Variants in ARL15 observed in about 807,000 individuals in gnomAD.
ARL15 encodes ARF like GTPase 15, also known as ADP-ribosylation factor-like protein 15.
In ARL15, 19 loss-of-function variants were observed where a neutral mutation model predicts 25.2. The ratio of observed to expected loss-of-function variants is 0.75; its 90% CI spans 0.53 to 1.10. The LOEUF (loss-of-function observed/expected upper bound fraction) is 1.10. Among genes scored for constraint, ARL15 ranks in the 50% least tolerant of loss-of-function variants. The probability of loss-of-function intolerance (pLI) is 0.00; values close to 1 mark genes in which losing one functional copy is unlikely to be tolerated. For synonymous variants in ARL15, 94 were observed against 86.8 expected, an observed-to-expected ratio of 1.08 and a Z score of -0.46; for missense variants, 220 against 246.0, an observed-to-expected ratio of 0.89 and a Z score of 0.71.
chr5:54,007,738 C>T (rs1580164959), intron 4 of ARL15, among the ~76,000 whole-genome samples: 1 of 152,174 alleles, frequency 6.6e-6, no homozygotes, highest in Non-Finnish European at 1.5e-5. Context: ...CTGATCATTG[C>T]TGCCTCTTTC....
At chr5:54,171,496 T>A (rs1446066469) in intron 2 of ARL15, among the ~76,000 whole-genome samples, 1 of 152,208 alleles carries the variant, frequency 6.6e-6, no homozygotes, top group Non-Finnish European at 1.5e-5. Context: ...GAATCCATTT[T>A]GTCATATATC....
chr5:54,140,283 G>C (rs1183588951), intron 3 of ARL15, among the ~76,000 whole-genome samples: 1 of 150,704 alleles, frequency 6.6e-6, no homozygotes, highest in Admixed American at 6.6e-5. Flanking sequence ...AAGGCAGCAT[G>C]TGCTCTGTCC....
At chr5:54,227,503 G>A (rs756378511) in intron 1 of ARL15, among the ~76,000 whole-genome samples, 13 of 152,148 alleles carry the variant, frequency 8.5e-5, no homozygotes, top group South Asian at 2.1e-4. Flanking sequence ...TTGCTCAAAC[G>A]CTGAGTCTGG....
At chr5:53,899,347 CAA>C (rs59145507) in intron 4 of ARL15, among the ~76,000 whole-genome samples, 18 of 89,364 alleles carry the variant, frequency 2.0e-4, no homozygotes, top group East Asian at 1.4e-3. Flanking sequence ...GACTCTATCC[CAA>C]AAAAAAAAAA....
At chr5:53,915,554 A>G (rs2111994865) in intron 4 of ARL15, among the ~76,000 whole-genome samples, 1 of 152,326 alleles carries the variant, frequency 6.6e-6, no homozygotes, top group African/African-American at 2.4e-5. Flanking sequence ...CTAGCATTGA[A>G]CAGTTTGGAC....
At chr5:53,893,512 G>T (rs1051382623) in intron 4 of ARL15, among the ~76,000 whole-genome samples, 4 of 152,164 alleles carry the variant, frequency 2.6e-5, no homozygotes, top group African/African-American at 9.7e-5. Context: ...GGAGGCTGAG[G>T]CAGGAGAATG....
At chr5:54,006,347 A>G (rs1366779097) in intron 4 of ARL15, among the ~76,000 whole-genome samples, 1 of 152,226 alleles carries the variant, frequency 6.6e-6, no homozygotes, top group Non-Finnish European at 1.5e-5. Context: ...TTTGACCATA[A>G]GTAACTGTAA....
At chr5:54,294,554 T>C (rs1487751326) in intron 1 of ARL15, among the ~76,000 whole-genome samples, 2 of 152,218 alleles carry the variant, frequency 1.3e-5, no homozygotes, top group African/African-American at 4.8e-5. Flanking sequence ...AAAACTAACC[T>C]GAAATCCAGC....
chr5:53,935,238 T>G (rs1213151629), intron 4 of ARL15, among the ~76,000 whole-genome samples: 1 of 152,224 alleles, frequency 6.6e-6, no homozygotes, highest in East Asian at 1.9e-4. Flanking sequence ...CACTTTTTCT[T>G]GGATTACTTT....
intron 3 of ARL15, among the ~76,000 whole-genome samples, chr5:54,129,615 T>C (rs1185530422): frequency 1.3e-5 from 2 of 152,214 alleles, no homozygotes; most frequent in Non-Finnish European, 2.9e-5. Context: ...ACTTTCCCAA[T>C]AGTACTGTAG....
At chr5:54,105,166 A>G (rs1317240336) in intron 4 of ARL15, among the ~76,000 whole-genome samples, 2 of 152,044 alleles carry the variant, frequency 1.3e-5, no homozygotes, top group East Asian at 3.9e-4. Flanking sequence ...CAAATGTTTT[A>G]TTAACTTTGT....
At chr5:53,945,651 T>C (rs530008902) in intron 4 of ARL15, among the ~76,000 whole-genome samples, 1 of 152,118 alleles carries the variant, frequency 6.6e-6, no homozygotes, top group East Asian at 1.9e-4. Context: ...CCAAAGCACC[T>C]GAAAAATGAG....
intron 3 of ARL15, among the ~76,000 whole-genome samples, chr5:54,137,740 G>A (rs1753647783): frequency 2.0e-5 from 3 of 152,140 alleles, no homozygotes; most frequent in Admixed American, 2.0e-4. Context: ...GGAGGAGTAT[G>A]TAAGATTTTA....
At chr5:54,146,373 TACTTA>T (rs1753911273) in intron 3 of ARL15, among the ~76,000 whole-genome samples, 1 of 152,174 alleles carries the variant, frequency 6.6e-6, no homozygotes, top group South Asian at 2.1e-4. Flanking sequence ...AGTTACGTTA[TACTTA>T]AACAAGAGAA....
intron 4 of ARL15, among the ~76,000 whole-genome samples, chr5:53,959,891 T>C (rs553573745): frequency 8.5e-5 from 13 of 152,246 alleles, no homozygotes; most frequent in Non-Finnish European, 1.5e-4. Flanking sequence ...ACTTTTTTTT[T>C]CCCTTTACTA....
At chr5:54,198,636 G>A (rs547997222) in intron 1 of ARL15, among the ~76,000 whole-genome samples, 32,745 of 143,654 alleles carry the variant, frequency 0.23, 4,115 homozygotes, top group African/African-American at 0.32. Context: ...ACTGCTCAAT[G>A]AAATAAAAGA....
At chr5:54,289,164 T>A (rs570366962) in intron 1 of ARL15, among the ~76,000 whole-genome samples, 2 of 152,326 alleles carry the variant, frequency 1.3e-5, no homozygotes, top group Admixed American at 1.3e-4. Flanking sequence ...GAAGCACCAA[T>A]GAACTTTGTA....
chr5:53,907,457 CATATATATATATATATAT>C (rs1174664612), intron 4 of ARL15, among the ~76,000 whole-genome samples: 2 of 23,850 alleles, frequency 8.4e-5, no homozygotes, highest in Non-Finnish European at 1.4e-4. Flanking sequence ...CTTAAGAGTT[CATATATATATATATATAT>C]ATATATATAT....
intron 3 of ARL15, among the ~76,000 whole-genome samples, chr5:54,144,074 ATG>A (rs1185577574): frequency 2.0e-5 from 3 of 151,802 alleles, no homozygotes; most frequent in East Asian, 1.9e-4. Context: ...GTGTGCATGC[ATG>A]TGTGTGTGTA....
Sources: allele counts gnomAD v4.1 joint callset (sites outside exome capture counted in the v4.1 genomes callset), GRCh38; gene constraint gnomAD v4.1.1; transcripts MANE v1.5; gene names NCBI Gene and HGNC (gene_info 2026-07-23, HGNC 2026-07-21).